The following PIGZ variants were observed in gnomAD, a reference collection of about 807,000 sequenced individuals.
PIGZ encodes the protein phosphatidylinositol glycan anchor biosynthesis class Z (Gwada blood group).
A neutral mutation model predicts 16.4 loss-of-function variants in PIGZ; 16 were observed. That is an observed-to-expected ratio of 0.97 (90% CI 0.66 to 1.48). The LOEUF is 1.48. PIGZ is among the 40% of genes most tolerant of loss of function. The probability of loss-of-function intolerance (pLI) is 0.00; values close to 1 mark genes in which losing one functional copy is unlikely to be tolerated. For synonymous variants in PIGZ, 409 were observed against 338.4 expected, an observed-to-expected ratio of 1.21 and a Z score of -2.29; for missense variants, 770 against 739.2, an observed-to-expected ratio of 1.04 and a Z score of -0.48.
intron 1 of PIGZ, among the ~76,000 whole-genome samples, chr3:196,968,203 C>T (rs1718009863): frequency 6.6e-6 from 1 of 152,188 alleles, no homozygotes; most frequent in South Asian, 2.1e-4. Flanking sequence ...GAAGTGCAGC[C>T]CCCGAGGCCG....
Position 196,947,959 on chromosome 3 carries a change from G to A in PIGZ, c.938C>T (p.Ala313Val), listed in dbSNP as rs935019504. The A allele has an allele frequency of 3.2e-5, 51 of 1,611,754 alleles. No individual in the cohort carries two copies. The highest frequency in any genetic ancestry group is 4.5e-5 in the East Asian group (2 of 44,816). The change falls in exon 3 of 3, where the codon GCG (alanine) becomes GTG (valine). Residue 313 changes from alanine to valine, a missense_variant. Physicochemically the swap from Ala to Val is moderately conservative, Grantham distance 64. Transcript: ENST00000412723. ...GTTGACTGCCAGGTGAGTGAGCCGC[G>A]CGTGCGTGCCATGTCTCGCCAGGTT... is the stretch of plus-strand genomic sequence containing the variant. ...PQNLARHGTH[A>V]RLTHLAVNGF...
At chr3:196,952,178 C>T (rs1340398858) in intron 1 of PIGZ, 147 bp from the exon 2 acceptor site, 1 of 763,572 alleles carries the variant, frequency 1.3e-6, no homozygotes, top group Non-Finnish European at 2.1e-6. Context: ...AACTGCCAGG[C>T]ACGTGACATG....
chr3:196,952,004 A>T lies in PIGZ; in HGVS notation c.28T>A (p.Ser10Thr). Residue 10 changes from serine (S) to threonine (T), a missense_variant, in exon 2 of 3, where the codon TCT becomes ACT. Ser to Thr is a moderately conservative substitution (Grantham distance 58, BLOSUM62 1). Coordinates refer to ENST00000412723, the MANE Select transcript of PIGZ (RefSeq NM_025163.4). Reference protein sequence around the residue: MQICGSSVASVAAGTSFQVL... With the variant: MQICGSSVATVAAGTSFQVL... Reference sequence around the variant, plus strand: ...TGGAATGATGTCCCAGCTGCTACAGATGCTACGCTGGATCCACAGATCTGC... The same window carrying T: ...TGGAATGATGTCCCAGCTGCTACAGTTGCTACGCTGGATCCACAGATCTGC... 3 of 1,614,154 alleles carry T rather than the reference A, an allele frequency of 1.9e-6. No individual in the cohort carries two copies. Among genetic ancestry groups the T allele is most frequent in the Non-Finnish European group, 2.5e-6 (3 of 1,180,016 alleles).
At chr3:196,958,199 T>C (rs754163894) in intron 1 of PIGZ, among the ~76,000 whole-genome samples, 1 of 150,368 alleles carries the variant, frequency 6.7e-6, no homozygotes, top group Non-Finnish European at 1.5e-5. Context: ...AGGACAACTT[T>C]CCACTTGTGT....
At chr3:196,951,314 G>C (rs893852815) in intron 2 of PIGZ, among the ~76,000 whole-genome samples, 13 of 152,178 alleles carry the variant, frequency 8.5e-5, no homozygotes, top group African/African-American at 3.1e-4. Context: ...CATCTGAAAG[G>C]CCTCAAGGCC....
intron 1 of PIGZ, among the ~76,000 whole-genome samples, chr3:196,952,672 A>G (rs908130095): frequency 2.6e-5 from 4 of 152,160 alleles, no homozygotes; most frequent in Non-Finnish European, 5.9e-5. Context: ...TCCTGACCTC[A>G]TGATCCGCCC....
intron 1 of PIGZ, among the ~76,000 whole-genome samples, chr3:196,956,497 A>G (rs1717494872): frequency 1.3e-5 from 2 of 152,228 alleles, no homozygotes; most frequent in Admixed American, 1.3e-4. Context: ...CCACCCCCAT[A>G]ATTCAATTAT....
At position 196,947,288 on chromosome 3, in the gene PIGZ, G is replaced by A. The variant is rs770551338; in HGVS notation, c.1609C>T (p.Pro537Ser). The change falls in exon 3 of 3, where the codon CCC becomes TCC. Residue 537 changes from proline (P) to serine (S), a missense_variant. Transcript: ENST00000412723. ...AATAAAAGTGTTTCATTCTTGAAGGGGAAGCTGCACTTCTCCACGGCACGC... is the reference window on the plus strand; with the variant it reads ...AATAAAAGTGTTTCATTCTTGAAGGAGAAGCTGCACTTCTCCACGGCACGC... ...TRRAVEKCSFPFKNETLLFPH... is the reference protein window; with the variant it reads ...TRRAVEKCSFSFKNETLLFPH... The A allele has an allele frequency of 1.2e-6, 2 of 1,614,046 alleles. No individual in the cohort carries two copies. Among genetic ancestry groups the A allele is most frequent in the African/African-American group, 2.7e-5 (2 of 74,934 alleles).
intron 1 of PIGZ, among the ~76,000 whole-genome samples, chr3:196,964,150 AC>A (rs747806036): frequency 1.3e-5 from 2 of 151,914 alleles, no homozygotes; most frequent in Non-Finnish European, 2.9e-5. Context: ...TCCCGGGTTC[AC>A]GCCATTCTCC....
rs1147240 is a variant in PIGZ, at chr3:196,948,045, A to T, written c.852T>A (p.Ala284=). The T allele has an allele frequency of 6.3e-7, 1 of 1,590,778 alleles. No homozygotes were observed. Among genetic ancestry groups the T allele is most frequent in the Non-Finnish European group, 8.6e-7 (1 of 1,165,616 alleles). Residue 284 remains alanine (A), a synonymous_variant, in exon 3 of 3, where the codon GCT becomes GCA. Coordinates refer to ENST00000412723, the MANE Select transcript of PIGZ (RefSeq NM_025163.4). ...ATDSWYFSSP[A]TSRNLVLTPV... is the part of the protein sequence containing the mutation. ...GTGTCAGGACAAGGTTCCTGGATGT[A>T]GCGGGGCTGGAGAAATACCAGCTGT...
rs367585161 is a variant in PIGZ, at chr3:196,947,662, C to T, written c.1235G>A (p.Trp412Ter). ...LCSPQTQPVP[W>*]KGTVVLFNAL... is the part of the protein sequence containing the mutation. ...GTTGAAGAGGACCACAGTGCCCTTC[C>T]AAGGCACAGGCTGCGTCTGTGGACT... The change falls in exon 3 of 3, where the codon TGG (tryptophan) becomes TAG (stop). Residue 412 changes from tryptophan (W) to a stop codon, truncating the protein, a stop_gained. Transcript: ENST00000412723. LOFTEE classifies it high-confidence loss of function. The T allele has an allele frequency of 1.2e-6, 2 of 1,611,100 alleles. No homozygotes were observed. The highest frequency in any genetic ancestry group is 1.3e-5 in the African/African-American group (1 of 74,900).
rs374249387 is a variant in PIGZ at position 196,947,459 on chromosome 3, C to T, written c.1438G>A (p.Ala480Thr). 90 of 1,613,386 alleles carry T rather than the reference C, an allele frequency of 5.6e-5. No individual in the cohort carries two copies. Among genetic ancestry groups the T allele is most frequent in the Non-Finnish European group, 6.9e-5 (82 of 1,179,908 alleles). ...CCCATGTCCACCACCTCCACTGGTG[C>T]CCCCAGGCCTGGGAGGTGTAGGAGG... Reference protein sequence around the residue: ...RHLLHLPGLGAPVEVVDMGGT... With the variant: ...RHLLHLPGLGTPVEVVDMGGT... The change falls in exon 3 of 3, where the codon GCA (alanine) becomes ACA (threonine). Residue 480 changes from alanine (A) to threonine (T), a missense_variant. Coordinates refer to ENST00000412723, the MANE Select transcript of PIGZ (RefSeq NM_025163.4).
rs148142944 is a variant in PIGZ, at chr3:196,965,293, G to A, written c.-1+3394C>T. Among the ~76,000 whole-genome samples the A allele has an allele frequency of 1.8e-4, 27 of 152,300 alleles. No individual in the cohort carries two copies. Among genetic ancestry groups the A allele is most frequent in the African/African-American group, 6.0e-4 (25 of 41,564 alleles). ...GGAAGCAGGCACCTCTTCACAAGGT[G>A]GCAAGAGAGAGTGTGAGTGGAGGAA... On this transcript the variant is annotated intron_variant, in intron 1 of 2. Coordinates refer to ENST00000412723, the MANE Select transcript of PIGZ (RefSeq NM_025163.4). This position sits in a 1 kb window ranked among gnomAD's most constrained non-coding sequence, Gnocchi z 4.2.
chr3:196,959,073 C>T (rs935502444), intron 1 of PIGZ, among the ~76,000 whole-genome samples: 2 of 152,220 alleles, frequency 1.3e-5, no homozygotes, highest in African/African-American at 4.8e-5. Flanking sequence ...GGATGGCAGG[C>T]TGTTCCTCAG....
In PIGZ at chr3:196,968,790, G is replaced by C. The variant is rs1718048910; in HGVS notation, c.-104C>G. On this transcript the variant is annotated 5_prime_UTR_variant, in exon 1 of 3. Coordinates refer to ENST00000412723, the MANE Select transcript of PIGZ (RefSeq NM_025163.4). ...GGCGGCGGGACCGCAGGGCGGAGGG[G>C]AGGCCGTGGGAGCGGCCGGGCGCGC... 6.6e-6 allele frequency: 1 copy of C among 151,180 alleles called. No homozygotes were observed. Among genetic ancestry groups the C allele is most frequent in the South Asian group, 2.1e-4 (1 of 4,838 alleles). The allele number at this position is 151,180 out of a possible 1,614,324, so 9.4% of individuals were successfully genotyped here.
rs1225659194 is a variant in PIGZ, at chr3:196,948,989, T to C, written c.212-304A>G. Among the ~76,000 whole-genome samples, 18 of 45,888 alleles carry C rather than the reference T, an allele frequency of 3.9e-4. 1 individual carries two copies. The highest frequency in any genetic ancestry group is 3.5e-3 in the African/African-American group (17 of 4,798). The allele number at this position is 45,888 out of a possible 152,430, so 30.1% of individuals were successfully genotyped here. Reference sequence around the variant, plus strand: ...TCCCTTCCCCTCCCCTCCCTTCCCTTCCTTCCCTTTACTTCTCTTTCCCTC... The same window carrying C: ...TCCCTTCCCCTCCCCTCCCTTCCCTCCCTTCCCTTTACTTCTCTTTCCCTC... On this transcript the variant is annotated intron_variant, in intron 2 of 2. Transcript: ENST00000412723.
chr3:196,955,859 G>A (rs1038968688), intron 1 of PIGZ, among the ~76,000 whole-genome samples: 1 of 152,042 alleles, frequency 6.6e-6, no homozygotes, highest in Non-Finnish European at 1.5e-5. Context: ...GATTACAGAT[G>A]TCAGCCACTG....
chr3:196,947,370 T>C lies in PIGZ; in HGVS notation c.1527A>G (p.Gln509=), dbSNP rs1288922322. The C allele has an allele frequency of 6.2e-7, 1 of 1,614,126 alleles. No individual in the cohort carries two copies. The highest frequency in any genetic ancestry group is 1.7e-5 in the Admixed American group (1 of 60,030). Residue 509 remains glutamine (Q), a synonymous_variant, in exon 3 of 3, where the codon CAA becomes CAG. Coordinates refer to ENST00000412723, the MANE Select transcript of PIGZ (RefSeq NM_025163.4). ...GGCAGAGCCATGGCCCACCAGCCAC[T>C]TGGCAGGCTGGTTGTCTGGTGAAGC... ...LKSFTRQPAC[Q]VAGGPWLCRL...
rs755313630 is a variant in PIGZ at position 196,951,997 on chromosome 3, G to A, written c.35C>T (p.Ala12Val). The change falls in exon 2 of 3, where the codon GCA (alanine) becomes GTA (valine). Residue 12 changes from alanine to valine, a missense_variant. By Grantham distance (64) the Ala-to-Val change is moderately conservative. Transcript: ENST00000412723. ...CAAAACCTGGAATGATGTCCCAGCT[G>A]CTACAGATGCTACGCTGGATCCACA... ...QICGSSVASV[A>V]AGTSFQVLGP... 1 of 1,614,136 alleles carries A rather than the reference G, an allele frequency of 6.2e-7. No individual in the cohort carries two copies. The highest frequency in any genetic ancestry group is 8.5e-7 in the Non-Finnish European group (1 of 1,180,006).
Sources: allele counts gnomAD v4.1 joint callset (sites outside exome capture counted in the v4.1 genomes callset), GRCh38; gene constraint gnomAD v4.1.1; non-coding constraint Gnocchi (gnomAD v3.1); transcripts MANE v1.5; gene names NCBI Gene and HGNC (gene_info 2026-07-23, HGNC 2026-07-21).